PDE8B: variants seen among roughly 807,000 people sequenced by gnomAD.
PDE8B encodes high affinity cAMP-specific and IBMX-insensitive 3',5'-cyclic phosphodiesterase 8B.
Under a neutral mutation model 101.3 loss-of-function variants are expected in PDE8B, and 26 were observed. The observed-to-expected ratio is 0.26, with a 90% CI of 0.19 to 0.36. The LOEUF is 0.36. Ranked by LOEUF, PDE8B falls within the 10% of genes least tolerant of loss-of-function variation. The pLI is 1.00. For synonymous variants in PDE8B, 424 were observed against 429.3 expected (o/e 0.99, Z 0.15); for missense variants, 810 against 1,163.1 (o/e 0.70, Z 4.42).
chr5:77,390,721 G>A (rs917948790), intron 10 of PDE8B, among the ~76,000 whole-genome samples: 1 of 152,224 alleles, frequency 6.6e-6, no homozygotes, highest in African/African-American at 2.4e-5. Context: ...ACTAATGCAG[G>A]GGGTGTTTCC....
At chr5:77,304,023 C>T (rs1338923988) in intron 1 of PDE8B, among the ~76,000 whole-genome samples, 1 of 152,094 alleles carries the variant, frequency 6.6e-6, no homozygotes. Context: ...CTTGTAAATG[C>T]CTCCTATACA....
intron 1 of PDE8B, among the ~76,000 whole-genome samples, chr5:77,212,755 C>T (rs528146474): frequency 9.2e-5 from 14 of 152,286 alleles, no homozygotes; most frequent in Non-Finnish European, 1.3e-4. Context: ...CTCTCTCTCT[C>T]CCCCTCCCTG....
chr5:77,392,796 A>C (rs1790213465), intron 10 of PDE8B, among the ~76,000 whole-genome samples: 1 of 152,232 alleles, frequency 6.6e-6, no homozygotes, highest in Non-Finnish European at 1.5e-5. Context: ...AAAACAGCTC[A>C]GGCCCAGTGG....
At chr5:77,278,994 A>G (rs1257135992) in intron 1 of PDE8B, among the ~76,000 whole-genome samples, 1 of 152,212 alleles carries the variant, frequency 6.6e-6, no homozygotes, top group Non-Finnish European at 1.5e-5. Context: ...ACTATACACT[A>G]CTGAAACAAA....
At chr5:77,331,659 G>C (rs1041064531) in intron 5 of PDE8B, among the ~76,000 whole-genome samples, 200 bp downstream of exon 5, 7 of 152,112 alleles carry the variant, frequency 4.6e-5, no homozygotes, top group Non-Finnish European at 8.8e-5. Context: ...TGCTCTCTGG[G>C]TTATTTCCAT....
the PDE8B span, among the ~76,000 whole-genome samples, chr5:77,129,568 G>A: frequency 9.3e-4 from 141 of 152,308 alleles, no homozygotes; most frequent in African/African-American, 3.2e-3. Flanking sequence ...ATCAGGGCCG[G>A]GGCCAGGCAT....
intron 1 of PDE8B, among the ~76,000 whole-genome samples, chr5:77,269,452 T>C (rs1435939554): frequency 1.3e-5 from 2 of 152,230 alleles, no homozygotes; most frequent in Non-Finnish European, 2.9e-5. Flanking sequence ...GATTGTTTCC[T>C]TTGCTGTGCA....
At chr5:77,367,665 G>A (rs1784397546) in intron 10 of PDE8B, among the ~76,000 whole-genome samples, 1 of 151,772 alleles carries the variant, frequency 6.6e-6, no homozygotes, top group African/African-American at 2.4e-5. Context: ...CAAGTAGCTG[G>A]GACTACAGGC....
chr5:77,185,567 A>G, the PDE8B span, among the ~76,000 whole-genome samples: 1 of 152,168 alleles, frequency 6.6e-6, no homozygotes, highest in African/African-American at 2.4e-5. Context: ...CAACCTAAGA[A>G]TTGTGTTGAA....
intron 2 of PDE8B, 104 bp downstream of exon 2, chr5:77,312,157 G>A: frequency 2.5e-6 from 2 of 814,396 alleles, no homozygotes; most frequent in Non-Finnish European, 2.0e-6. Flanking sequence ...AGGCTGGAGT[G>A]TAGAGGCTCA....
the PDE8B span, chr5:77,151,835 T>C: frequency 1.3e-5 from 2 of 152,228 alleles, no homozygotes. Context: ...GTTTTGTTTT[T>C]CTTTTAAAAT....
the PDE8B span, among the ~76,000 whole-genome samples, chr5:77,195,779 G>A: frequency 6.6e-6 from 1 of 152,068 alleles, no homozygotes; most frequent in Admixed American, 6.5e-5. Context: ...ATAAGGGAGG[G>A]AAAATATATT....
chr5:77,201,705 A>T, the PDE8B span, among the ~76,000 whole-genome samples: 1 of 152,254 alleles, frequency 6.6e-6, no homozygotes, highest in Non-Finnish European at 1.5e-5. Context: ...CAGGCACCAG[A>T]TCCTAAGGAT....
rs149700183 is a variant in PDE8B, at chr5:77,252,722, C to T, written c.339+41458C>T. On this transcript the variant is annotated intron_variant, in intron 1 of 21. Transcript: ENST00000264917. Reference sequence around the variant, plus strand: ...TGATTTGGAAAGGGGTAAATATAATCATCTTATCATTCCTCCTGGCAGAGG... The same window carrying T: ...TGATTTGGAAAGGGGTAAATATAATTATCTTATCATTCCTCCTGGCAGAGG... 3.0e-3 allele frequency among the ~76,000 whole-genome samples: 460 copies of T among 152,268 alleles called. 4 individuals are homozygous for T. Among genetic ancestry groups the T allele is most frequent in the Non-Finnish European group, 3.1e-3 (212 of 68,018 alleles).
the PDE8B span, among the ~76,000 whole-genome samples, chr5:77,108,997 A>G: frequency 6.2e-4 from 94 of 152,306 alleles, no homozygotes; most frequent in African/African-American, 2.1e-3. Context: ...TTGTCAGCCC[A>G]TTGACCATCC....
intron 11 of PDE8B, among the ~76,000 whole-genome samples, chr5:77,403,925 C>A (rs1442463299): frequency 6.6e-6 from 1 of 151,964 alleles, no homozygotes; most frequent in Admixed American, 6.6e-5. Flanking sequence ...TTCAAGCGAT[C>A]CTCCTGCCTC....
In PDE8B at chr5:77,380,456, C is replaced by G. The variant is rs139117618; in HGVS notation, c.1168-19792C>G. 4.3e-3 allele frequency among the ~76,000 whole-genome samples: 660 copies of G among 152,322 alleles called. 8 individuals carry two copies. Among genetic ancestry groups the G allele is most frequent in the African/African-American group, 0.015 (631 of 41,576 alleles). On this transcript the variant is annotated intron_variant, in intron 10 of 21. Coordinates refer to ENST00000264917, the MANE Select transcript of PDE8B (RefSeq NM_003719.5). The stretch of plus-strand genomic sequence containing the variant: ...AACTCTTTGCCTGTCAGATTTGGCA[C>G]TATCTGAGCCCATGGATGTATTTTA...
At chr5:77,163,287 C>A in the PDE8B span, among the ~76,000 whole-genome samples, 1 of 152,194 alleles carries the variant, frequency 6.6e-6, no homozygotes, top group Non-Finnish European at 1.5e-5. Flanking sequence ...TGTCTCCCTC[C>A]ACATTTCTTT....
At chr5:77,126,150 G>C in the PDE8B span, among the ~76,000 whole-genome samples, 2 of 152,082 alleles carry the variant, frequency 1.3e-5, no homozygotes, top group Admixed American at 6.6e-5. Context: ...GCCAGGTGTG[G>C]TGGTGGGCAC....
Sources: allele counts gnomAD v4.1 joint callset (sites outside exome capture counted in the v4.1 genomes callset), GRCh38; gene constraint gnomAD v4.1.1; transcripts MANE v1.5; gene names NCBI Gene and HGNC (gene_info 2026-07-23, HGNC 2026-07-21).